Variants in ROR1 observed in about 807,000 individuals in gnomAD.
ROR1 encodes inactive tyrosine-protein kinase transmembrane receptor ROR1.
A neutral mutation model predicts 78.8 loss-of-function variants in ROR1; 19 were observed. The ratio of observed to expected loss-of-function variants is 0.24; its 90% CI spans 0.17 to 0.35. The LOEUF is 0.35. Ranked by LOEUF, ROR1 falls within the 10% of genes least tolerant of loss-of-function variation. The pLI is 1.00. For synonymous variants in ROR1, 386 were observed against 433.6 expected (o/e 0.89, Z 1.36); for missense variants, 917 against 1,177.8 (o/e 0.78, Z 3.24).
At chr1:63,836,073 C>T (rs1221462708) in intron 1 of ROR1, among the ~76,000 whole-genome samples, 1 of 152,182 alleles carries the variant, frequency 6.6e-6, no homozygotes, top group Non-Finnish European at 1.5e-5. Context: ...TTCAGATTTG[C>T]TGCTTGCTTT....
At chr1:64,068,132 C>T (rs1344740499) in intron 4 of ROR1, among the ~76,000 whole-genome samples, 1 of 152,158 alleles carries the variant, frequency 6.6e-6, no homozygotes, top group African/African-American at 2.4e-5. Flanking sequence ...CTGTCAATTA[C>T]AATTAAAATC....
In ROR1 at chr1:63,914,580, C is replaced by T. The variant is rs79492586; in HGVS notation, c.92-94725C>T. Among the ~76,000 whole-genome samples, 1,429 of 152,274 alleles carry T rather than the reference C, an allele frequency of 9.4e-3. 24 individuals carry two copies. Among genetic ancestry groups the T allele is most frequent in the African/African-American group, 0.032 (1,333 of 41,558 alleles). The stretch of plus-strand genomic sequence containing the variant: ...AGGAAGAAGACAGTTCAAATCCCTT[C>T]GGATGACTCTTGGGCAGTCTAAAGT... On this transcript the variant is annotated intron_variant, in intron 1 of 8. Coordinates refer to ENST00000371079, the MANE Select transcript of ROR1 (RefSeq NM_005012.4).
chr1:63,789,170 G>C (rs372260694), intron 1 of ROR1: 6 of 593,342 alleles, frequency 1.0e-5, no homozygotes, highest in East Asian at 8.0e-5. Context: ...GCCCATCTTT[G>C]ATCAGCTTCC....
intron 4 of ROR1, among the ~76,000 whole-genome samples, chr1:64,087,639 T>C (rs1365983119): frequency 6.6e-6 from 1 of 152,218 alleles, no homozygotes; most frequent in Non-Finnish European, 1.5e-5. Flanking sequence ...GTAGTGTTAA[T>C]ATAAAGCAGT....
At chr1:63,862,580 G>C (rs1645188924) in intron 1 of ROR1, among the ~76,000 whole-genome samples, 1 of 151,970 alleles carries the variant, frequency 6.6e-6, no homozygotes, top group Non-Finnish European at 1.5e-5. Flanking sequence ...TTTGAGTAAA[G>C]AAACCCGAGA....
At chr1:64,144,740 T>C (rs868198959) in intron 7 of ROR1, among the ~76,000 whole-genome samples, 14 of 152,208 alleles carry the variant, frequency 9.2e-5, no homozygotes, top group Non-Finnish European at 1.8e-4. Context: ...ACCTGTTGGC[T>C]CTTTCCACTA....
intron 1 of ROR1, among the ~76,000 whole-genome samples, chr1:63,802,250 C>G (rs1367058386): frequency 6.6e-6 from 1 of 152,102 alleles, no homozygotes; most frequent in East Asian, 1.9e-4. Flanking sequence ...GAATAGAACT[C>G]AAGAGGTGGG....
intron 4 of ROR1, among the ~76,000 whole-genome samples, chr1:64,057,126 C>T (rs1257615071): frequency 6.6e-6 from 1 of 152,100 alleles, no homozygotes; most frequent in Non-Finnish European, 1.5e-5. Context: ...TTTTTATTTA[C>T]AGTTTTAGCT....
At chr1:63,795,395 G>A (rs183093403) in intron 1 of ROR1, among the ~76,000 whole-genome samples, 21 of 152,308 alleles carry the variant, frequency 1.4e-4, no homozygotes, top group Admixed American at 5.9e-4. Context: ...AGTCTAAACA[G>A]CCATTTTTTC....
chr1:64,015,605 G>A (rs834482), intron 2 of ROR1, among the ~76,000 whole-genome samples: 59,742 of 151,876 alleles, frequency 0.39, 12,258 homozygotes, highest in African/African-American at 0.5. Context: ...TGACTGAGTC[G>A]TTTTCTTGTG....
chr1:63,880,914 TC>T (rs1421643120), intron 1 of ROR1, among the ~76,000 whole-genome samples: 2 of 152,172 alleles, frequency 1.3e-5, no homozygotes, highest in Non-Finnish European at 2.9e-5. Context: ...TCTTTAGGCC[TC>T]TGAAAGTTAC....
chr1:63,899,444 G>A (rs1404691897), intron 1 of ROR1, among the ~76,000 whole-genome samples: 2 of 151,940 alleles, frequency 1.3e-5, no homozygotes, highest in Non-Finnish European at 2.9e-5. Context: ...TGCATACTTT[G>A]TAGCAATTCT....
chr1:64,025,172 C>T (rs1437332113), intron 2 of ROR1, among the ~76,000 whole-genome samples: 1 of 152,080 alleles, frequency 6.6e-6, no homozygotes, highest in Admixed American at 6.5e-5. Context: ...TATTTCCACC[C>T]CTAGGAAGGG....
chr1:63,919,311 T>G (rs1414774509), intron 1 of ROR1, among the ~76,000 whole-genome samples: 1 of 152,186 alleles, frequency 6.6e-6, no homozygotes, highest in East Asian at 1.9e-4. Context: ...GAATGCCCTC[T>G]TTCTTCAGCT....
chr1:63,971,786 C>G (rs1646121487), intron 1 of ROR1, among the ~76,000 whole-genome samples: 2 of 152,246 alleles, frequency 1.3e-5, no homozygotes, highest in South Asian at 4.1e-4. Flanking sequence ...TTTTATCTAC[C>G]TGATGGGTAT....
intron 4 of ROR1, among the ~76,000 whole-genome samples, chr1:64,095,546 G>T (rs1033345664): frequency 6.6e-6 from 1 of 152,134 alleles, no homozygotes; most frequent in Non-Finnish European, 1.5e-5. Context: ...AGTCATAGGG[G>T]AGGTTCCTGG....
intron 1 of ROR1, among the ~76,000 whole-genome samples, chr1:63,957,490 T>C (rs1417677172): frequency 6.6e-6 from 1 of 152,080 alleles, no homozygotes; most frequent in African/African-American, 2.4e-5. Flanking sequence ...CAACAGAGGA[T>C]GAGGACCCCC....
intron 1 of ROR1, among the ~76,000 whole-genome samples, chr1:63,853,308 G>A (rs919728802): frequency 3.3e-5 from 5 of 152,090 alleles, no homozygotes; most frequent in African/African-American, 1.2e-4. Context: ...AAGTACTATT[G>A]TTAGCCTCGT....
At chr1:64,114,495 T>C (rs1409517950) in intron 4 of ROR1, among the ~76,000 whole-genome samples, 1 of 152,082 alleles carries the variant, frequency 6.6e-6, no homozygotes, top group Non-Finnish European at 1.5e-5. Flanking sequence ...ATACAGGTAG[T>C]ACTGAAAGAA....
Sources: gnomAD v4.1 joint callset for allele counts (sites outside exome capture counted in the v4.1 genomes callset) on GRCh38, gnomAD v4.1.1 for gene constraint, MANE v1.5 for transcripts, NCBI Gene and HGNC (gene_info 2026-07-23, HGNC 2026-07-21) for gene names.